The following TRAPPC9 variants were observed in gnomAD, a reference collection of about 807,000 sequenced individuals.
TRAPPC9 encodes IKK2 binding protein.
In TRAPPC9, 83 loss-of-function variants were observed where a neutral mutation model predicts 124.0. The ratio of observed to expected loss-of-function variants is 0.67; its 90% CI spans 0.56 to 0.80. The LOEUF is 0.80. Among genes scored for constraint, TRAPPC9 ranks in the 30% least tolerant of loss-of-function variants. TRAPPC9 has a pLI of 0.00. For missense variants in TRAPPC9, 1,302 were observed against 1,508.3 expected, an observed-to-expected ratio of 0.86 and a Z score of 2.27; for synonymous variants, 638 against 617.5, an observed-to-expected ratio of 1.03 and a Z score of -0.49.
At chr8:139,937,008 G>A (rs1193349282) in intron 19 of TRAPPC9, among the ~76,000 whole-genome samples, 3 of 148,924 alleles carry the variant, frequency 2.0e-5, no homozygotes, top group African/African-American at 7.5e-5. Flanking sequence ...AGAGTGGGGA[G>A]TGGGCACTGC....
chr8:140,300,633 C>T lies in TRAPPC9; in HGVS notation c.1623-19G>A. On this transcript the variant is annotated intron_variant, in intron 10 of 22. Transcript: ENST00000438773. The stretch of plus-strand genomic sequence containing the variant: ...CACATGCCTGTTGTTTCAAACAGAA[C>T]ACAAATACTTCAACTGTCTGGTTAG... 2 of 1,614,126 alleles carry T rather than the reference C, an allele frequency of 1.2e-6. No homozygotes were observed. The highest frequency in any genetic ancestry group is 2.2e-5 in the South Asian group (2 of 91,080).
At chr8:139,879,211 G>A (rs1829527495) in intron 21 of TRAPPC9, among the ~76,000 whole-genome samples, 1 of 152,190 alleles carries the variant, frequency 6.6e-6, no homozygotes, top group South Asian at 2.1e-4. Flanking sequence ...GGGAGCCCAG[G>A]TCATGGGGGG....
At chr8:139,732,873 G>A (rs566495353) in intron 21 of TRAPPC9, among the ~76,000 whole-genome samples, 22 of 152,300 alleles carry the variant, frequency 1.4e-4, no homozygotes, top group African/African-American at 2.2e-4. Context: ...GGTCCTGGGC[G>A]AAGGAGCATG....
intron 16 of TRAPPC9, among the ~76,000 whole-genome samples, chr8:140,233,654 A>ACAC (rs1563868284): frequency 1.3e-4 from 5 of 38,202 alleles, no homozygotes; most frequent in African/African-American, 3.4e-4. Context: ...CACACACATA[A>ACAC]ACACACCCTC....
intron 17 of TRAPPC9, among the ~76,000 whole-genome samples, chr8:140,080,281 T>G (rs1843740335): frequency 6.6e-6 from 1 of 152,240 alleles, no homozygotes. Context: ...CTTTCACTTG[T>G]GATGCACAAC....
At chr8:140,320,305 CA>C (rs2066559163) in intron 9 of TRAPPC9, among the ~76,000 whole-genome samples, 1 of 152,194 alleles carries the variant, frequency 6.6e-6, no homozygotes, top group Non-Finnish European at 1.5e-5. Flanking sequence ...GAAAACAAAA[CA>C]AAAGGAAAAG....
chr8:140,271,924 G>C (rs1199780334), intron 15 of TRAPPC9, among the ~76,000 whole-genome samples: 1 of 152,136 alleles, frequency 6.6e-6, no homozygotes, highest in African/African-American at 2.4e-5. Context: ...TGGTGGTAGT[G>C]ATGGTGGTAG....
intron 18 of TRAPPC9, among the ~76,000 whole-genome samples, chr8:139,999,904 G>A (rs1838278914): frequency 6.6e-6 from 1 of 152,134 alleles, no homozygotes; most frequent in South Asian, 2.1e-4. Flanking sequence ...TCTGTGACTG[G>A]AGCTAAAGCA....
intron 18 of TRAPPC9, among the ~76,000 whole-genome samples, chr8:140,007,401 C>A (rs1263913978): frequency 1.3e-5 from 2 of 152,162 alleles, no homozygotes; most frequent in Non-Finnish European, 2.9e-5. Flanking sequence ...ATGATTATGT[C>A]TAATTTTGCT....
chr8:139,960,063 A>T (rs1835280280), intron 19 of TRAPPC9, among the ~76,000 whole-genome samples: 1 of 152,248 alleles, frequency 6.6e-6, no homozygotes, highest in African/African-American at 2.4e-5. Context: ...AGTCACGAGG[A>T]ATCATTTTTC....
chr8:140,231,359 A>G (rs1380130501), intron 16 of TRAPPC9, among the ~76,000 whole-genome samples: 2 of 152,204 alleles, frequency 1.3e-5, no homozygotes, highest in Non-Finnish European at 2.9e-5. Context: ...TTGTGAATTA[A>G]TGACTTCATG....
At chr8:140,254,678 C>A (rs1246492332) in intron 15 of TRAPPC9, among the ~76,000 whole-genome samples, 1 of 152,182 alleles carries the variant, frequency 6.6e-6, no homozygotes, top group Admixed American at 6.5e-5. Context: ...GAGGCAGGAG[C>A]GACTTGCTGT....
intron 8 of TRAPPC9, among the ~76,000 whole-genome samples, chr8:140,363,532 A>G (rs1281178922): frequency 1.3e-5 from 2 of 152,086 alleles, no homozygotes; most frequent in African/African-American, 4.8e-5. Context: ...TTTTAATCTC[A>G]GCCAGTCACC....
Position 139,749,043 on chromosome 8 carries a change from T to C in TRAPPC9, c.3056-16841A>G, listed in dbSNP as rs80164433. 7.3e-3 allele frequency among the ~76,000 whole-genome samples: 1,111 copies of C among 152,222 alleles called. 12 individuals carry two copies. Among genetic ancestry groups the C allele is most frequent in the African/African-American group, 0.025 (1,049 of 41,520 alleles). On this transcript the variant is annotated intron_variant, in intron 21 of 22. Transcript: ENST00000438773. ...TGATTGTGGATGTAGAAATGACGACTTCAATTGCTCCTCCAAAGTATTCAA... is the reference window on the plus strand; with the variant it reads ...TGATTGTGGATGTAGAAATGACGACCTCAATTGCTCCTCCAAAGTATTCAA...
intron 14 of TRAPPC9, 36 bp downstream of exon 14, chr8:140,283,853 A>T: frequency 6.2e-7 from 1 of 1,613,198 alleles, no homozygotes; most frequent in Non-Finnish European, 8.5e-7. Flanking sequence ...ATGATGCCTC[A>T]GAGCCACTCT....
rs574993195 is a variant in TRAPPC9 at position 139,819,053 on chromosome 8, T to C, written c.3055+66826A>G. The stretch of plus-strand genomic sequence containing the variant: ...GCAGGAGGTGAGCGGCGGGTGAAGC[T>C]TCATCTGTATTTGCAGCCACCCCAC... On this transcript the variant is annotated intron_variant, in intron 21 of 22. Coordinates refer to ENST00000438773, the MANE Select transcript of TRAPPC9 (RefSeq NM_001160372.4). Among the ~76,000 whole-genome samples, 19 of 152,254 alleles carry C rather than the reference T, an allele frequency of 1.2e-4. No homozygotes were observed. The East Asian group carries it at 3.7e-3, about 29-fold the overall frequency.
intron 2 of TRAPPC9, 62 bp downstream of exon 2, chr8:140,450,728 C>G (rs1404552352): frequency 7.7e-7 from 1 of 1,290,558 alleles, no homozygotes; most frequent in Non-Finnish European, 1.1e-6. Flanking sequence ...TGAAATTCTG[C>G]CCTGTGCTTT....
At chr8:139,755,768 T>A (rs1289190064) in intron 21 of TRAPPC9, among the ~76,000 whole-genome samples, 125 of 86,370 alleles carry the variant, frequency 1.4e-3, no homozygotes, top group African/African-American at 4.4e-3. Flanking sequence ...GGAGCCAGGG[T>A]TTGGGGATGA....
At chr8:140,439,962 C>T (rs936014617) in intron 2 of TRAPPC9, among the ~76,000 whole-genome samples, 29 of 152,174 alleles carry the variant, frequency 1.9e-4, no homozygotes, top group East Asian at 1.9e-4. Context: ...GAAGATGTGA[C>T]GTTTCTAAGT....
Sources: gnomAD v4.1 joint callset for allele counts (sites outside exome capture counted in the v4.1 genomes callset) on GRCh38, gnomAD v4.1.1 for gene constraint, MANE v1.5 for transcripts, NCBI Gene and HGNC (gene_info 2026-07-23, HGNC 2026-07-21) for gene names.